The following AMPH variants were observed in gnomAD, a reference collection of about 807,000 sequenced individuals.
AMPH encodes amphiphysin.
AMPH carries 49 observed loss-of-function variants against 99.1 expected under a neutral mutation model. The observed-to-expected ratio is 0.49, with a 90% confidence interval of 0.39 to 0.63. AMPH has a LOEUF of 0.63. AMPH is among the 20% of genes least tolerant of loss of function. AMPH has a pLI of 0.00. For synonymous variants in AMPH, 314 were observed against 317.3 expected, an observed-to-expected ratio of 0.99 and a Z score of 0.11; for missense variants, 759 against 863.4, an observed-to-expected ratio of 0.88 and a Z score of 1.52.
At chr7:38,631,012 G>A (rs764820257) in intron 1 of AMPH, among the ~76,000 whole-genome samples, 2 of 152,156 alleles carry the variant, frequency 1.3e-5, no homozygotes, top group African/African-American at 2.4e-5. Flanking sequence ...ACCCGGGGCC[G>A]GCTCCGGAGC....
intron 1 of AMPH, among the ~76,000 whole-genome samples, chr7:38,591,997 A>G (rs1008340966): frequency 2.8e-4 from 42 of 152,322 alleles, no homozygotes; most frequent in African/African-American, 1.0e-3. Context: ...AGAGCCATGA[A>G]CAGAGATTTA....
intron 17 of AMPH, among the ~76,000 whole-genome samples, chr7:38,395,371 G>T (rs1171935204): frequency 6.6e-6 from 1 of 152,214 alleles, no homozygotes; most frequent in African/African-American, 2.4e-5. Flanking sequence ...TTTAGGTCCA[G>T]TAAGGAGAAG....
At chr7:38,623,107 G>A (rs372321808) in intron 1 of AMPH, among the ~76,000 whole-genome samples, 7 of 152,146 alleles carry the variant, frequency 4.6e-5, no homozygotes, top group African/African-American at 9.7e-5. Flanking sequence ...GGGACCCCTG[G>A]GAGGAGTAAG....
At chr7:38,424,025 T>A (rs1008640269) in intron 15 of AMPH, among the ~76,000 whole-genome samples, 1 of 152,080 alleles carries the variant, frequency 6.6e-6, no homozygotes, top group African/African-American at 2.4e-5. Flanking sequence ...TCCCATTTTT[T>A]CCCCAATCAC....
intron 2 of AMPH, among the ~76,000 whole-genome samples, chr7:38,505,450 T>C (rs1050255270): frequency 6.6e-6 from 1 of 152,210 alleles, no homozygotes; most frequent in Non-Finnish European, 1.5e-5. Context: ...AATGGTTCTA[T>C]TCAGAATGGC....
At chr7:38,617,395 T>G (rs1354962319) in intron 1 of AMPH, among the ~76,000 whole-genome samples, 1 of 152,234 alleles carries the variant, frequency 6.6e-6, no homozygotes, top group East Asian at 1.9e-4. Flanking sequence ...CTGAATTACC[T>G]TAAGAAATTT....
chr7:38,467,496 C>T (rs1424033784), intron 7 of AMPH, among the ~76,000 whole-genome samples: 1 of 152,096 alleles, frequency 6.6e-6, no homozygotes, highest in African/African-American at 2.4e-5. Context: ...TTTCTTCCTT[C>T]AATTACTTCC....
chr7:38,581,648 C>G (rs904718918), intron 1 of AMPH, among the ~76,000 whole-genome samples: 4 of 152,044 alleles, frequency 2.6e-5, no homozygotes, highest in African/African-American at 9.7e-5. Context: ...TCTAGTGGAG[C>G]AAGGAAAGGA....
chr7:38,593,656 T>C (rs1792941123), intron 1 of AMPH, among the ~76,000 whole-genome samples: 1 of 152,232 alleles, frequency 6.6e-6, no homozygotes, highest in Non-Finnish European at 1.5e-5. Flanking sequence ...CTTTCATTCG[T>C]TCATCAACAA....
chr7:38,619,509 A>T (rs1342331292), intron 1 of AMPH, among the ~76,000 whole-genome samples: 1 of 152,222 alleles, frequency 6.6e-6, no homozygotes, highest in Non-Finnish European at 1.5e-5. Context: ...GAAGATCAAC[A>T]AGAAAACAAA....
intron 1 of AMPH, among the ~76,000 whole-genome samples, chr7:38,579,081 T>C (rs1327360836): frequency 6.6e-6 from 1 of 152,210 alleles, no homozygotes; most frequent in Non-Finnish European, 1.5e-5. Flanking sequence ...TGAAAGGGTC[T>C]TGGGCTGCCC....
At chr7:38,564,925 C>A (rs925798191) in intron 1 of AMPH, among the ~76,000 whole-genome samples, 1 of 152,042 alleles carries the variant, frequency 6.6e-6, no homozygotes, top group Admixed American at 6.5e-5. Flanking sequence ...GAGATCGAGA[C>A]CATCCTGGCT....
rs939856136 is a variant in AMPH at position 38,624,669 on chromosome 7, A to T, written c.69+6614T>A. Among the ~76,000 whole-genome samples, 5 of 151,890 alleles carry T rather than the reference A, an allele frequency of 3.3e-5. No homozygotes were observed. The South Asian group carries it at 6.2e-4, about 19-fold the overall frequency. On this transcript the variant is annotated intron_variant, in intron 1 of 20. Transcript: ENST00000356264. Reference sequence around the variant, plus strand: ...TCACAAATAGAAGAAGATGGGCAAAAAAATAAATAAATAAAAATAATAAAA... The same window carrying T: ...TCACAAATAGAAGAAGATGGGCAAATAAATAAATAAATAAAAATAATAAAA...
intron 1 of AMPH, among the ~76,000 whole-genome samples, chr7:38,564,119 T>C (rs76128147): frequency 0.065 from 9,921 of 152,310 alleles, 453 homozygotes; most frequent in Middle Eastern, 0.12. Context: ...AACAAATCCC[T>C]AGCATTTTTA....
At chr7:38,625,500 C>T (rs1005294880) in intron 1 of AMPH, among the ~76,000 whole-genome samples, 3 of 152,156 alleles carry the variant, frequency 2.0e-5, no homozygotes, top group Admixed American at 1.3e-4. Flanking sequence ...AACTGCCACT[C>T]ATCAAAGGGT....
chr7:38,432,084 A>G lies in AMPH; in HGVS notation c.1158+105T>C, dbSNP rs772830870. 1.1e-4 allele frequency: 111 copies of G among 1,005,456 alleles called. No homozygotes were observed. The Middle Eastern group carries it at 2.0e-3, about 18-fold the overall frequency. 62.3% of individuals were successfully genotyped at this position (1,005,456 alleles called of 1,614,324 possible). On this transcript the variant is annotated intron_variant, in intron 13 of 20. Coordinates refer to ENST00000356264, the MANE Select transcript of AMPH (RefSeq NM_001635.4). ...CATTCTAGGGGACTATATCATCATT[A>G]AATGTATGTGTCTTCTTTCTGTTGC...
Position 38,384,890 on chromosome 7 carries a change from G to C in AMPH, c.2016C>G (p.Asp672Glu), listed in dbSNP as rs1784309261. Reference sequence around the variant, plus strand: ...TGGCAAGGTCTCTGTACTGAAGCCAGTCTGATTCCTTCACTCCCACCAGCC... The same window carrying C: ...TGGCAAGGTCTCTGTACTGAAGCCACTCTGATTCCTTCACTCCCACCAGCC... Reference protein sequence around the residue: ...AGWLVGVKESDWLQYRDLATY... With the variant: ...AGWLVGVKESEWLQYRDLATY... The change falls in exon 21 of 21, where the codon GAC (aspartate) becomes GAG (glutamate). Residue 672 changes from aspartate to glutamate, a missense_variant. Asp to Glu is a conservative substitution (Grantham distance 45). This residue lies in a region of AMPH where 554 missense variants were observed against 575.6 expected (regional missense o/e 0.96). Coordinates refer to ENST00000356264, the MANE Select transcript of AMPH (RefSeq NM_001635.4). 2 of 1,613,786 alleles carry C rather than the reference G, an allele frequency of 1.2e-6. No individual in the cohort carries two copies. Among genetic ancestry groups the C allele is most frequent in the African/African-American group, 2.7e-5 (2 of 74,890 alleles).
chr7:38,456,774 C>G (rs1000808093), intron 11 of AMPH, among the ~76,000 whole-genome samples: 7 of 152,212 alleles, frequency 4.6e-5, no homozygotes, highest in African/African-American at 1.7e-4. Context: ...AGCAAGCCAC[C>G]TGGAGCCCAA....
At chr7:38,511,642 T>C (rs900865818) in intron 2 of AMPH, among the ~76,000 whole-genome samples, 52 of 152,208 alleles carry the variant, frequency 3.4e-4, no homozygotes, top group Admixed American at 5.2e-4. Context: ...CTCAGTTTTC[T>C]CACGTAAAAC....
Sources: allele counts gnomAD v4.1 joint callset (sites outside exome capture counted in the v4.1 genomes callset), GRCh38; gene constraint gnomAD v4.1.1; regional missense constraint gnomAD v4.1.1; transcripts MANE v1.5; gene names NCBI Gene and HGNC (gene_info 2026-07-23, HGNC 2026-07-21).